PDGFC: variants seen among roughly 807,000 people sequenced by gnomAD.
PDGFC encodes the protein platelet-derived growth factor C.
A neutral mutation model predicts 35.5 loss-of-function variants in PDGFC; 12 were observed. The ratio of observed to expected loss-of-function variants is 0.34; its 90% CI spans 0.22 to 0.55. The LOEUF is 0.55. PDGFC is among the 20% of genes least tolerant of loss of function. The pLI is 0.91. For synonymous variants in PDGFC, 159 were observed against 148.8 expected, an observed-to-expected ratio of 1.07 and a Z score of -0.50; for missense variants, 322 against 412.4, an observed-to-expected ratio of 0.78 and a Z score of 1.90.
intron 1 of PDGFC, among the ~76,000 whole-genome samples, chr4:156,941,727 A>C (rs1322119051): frequency 3.3e-5 from 5 of 152,088 alleles, no homozygotes; most frequent in Non-Finnish European, 7.4e-5. Flanking sequence ...GTGAGACTTC[A>C]TCAAAGACAA....
chr4:156,865,853 G>A lies in PDGFC; in HGVS notation c.119-15437C>T, dbSNP rs550640258. 2.6e-5 allele frequency among the ~76,000 whole-genome samples: 4 copies of A among 152,222 alleles called. No homozygotes were observed. The South Asian group carries it at 8.3e-4, about 32-fold the overall frequency. On this transcript the variant is annotated intron_variant, in intron 1 of 5. Transcript: ENST00000502773. ...TTCTTGAGCGATGTAGGTGGGTCAG[G>A]TAGCATAAAATAGATTTAATTTGAT...
intron 2 of PDGFC, among the ~76,000 whole-genome samples, chr4:156,832,794 A>G (rs1418155106): frequency 1.3e-5 from 2 of 152,164 alleles, no homozygotes; most frequent in African/African-American, 4.8e-5. Context: ...CTTTTCCAAT[A>G]TGTCGGTCTG....
At chr4:156,960,542 AAAAGT>A (rs1242289493) in intron 1 of PDGFC, among the ~76,000 whole-genome samples, 1 of 151,676 alleles carries the variant, frequency 6.6e-6, no homozygotes, top group African/African-American at 2.4e-5. Context: ...GTTTAGAAAT[AAAAGT>A]AAAGTCAATA....
At chr4:156,808,307 T>C (rs1404223465) in intron 3 of PDGFC, among the ~76,000 whole-genome samples, 3 of 152,002 alleles carry the variant, frequency 2.0e-5, no homozygotes, top group Non-Finnish European at 4.4e-5. Context: ...AGAAAGTTAA[T>C]TGTCTACTAT....
At chr4:156,915,519 G>T (rs996182027) in intron 1 of PDGFC, among the ~76,000 whole-genome samples, 2 of 151,930 alleles carry the variant, frequency 1.3e-5, no homozygotes, top group Non-Finnish European at 2.9e-5. Context: ...AACAAGGTGC[G>T]GGGGGGCAGG....
chr4:156,795,827 T>G (rs931548409), intron 3 of PDGFC, among the ~76,000 whole-genome samples: 2 of 152,174 alleles, frequency 1.3e-5, no homozygotes, highest in Non-Finnish European at 2.9e-5. Flanking sequence ...TCATCAATCT[T>G]TTCTAGAAAA....
At chr4:156,949,866 G>A (rs560914903) in intron 1 of PDGFC, among the ~76,000 whole-genome samples, 9 of 152,038 alleles carry the variant, frequency 5.9e-5, no homozygotes, top group African/African-American at 2.2e-4. Context: ...GGCAGAAGCT[G>A]TTAAGAATTG....
At chr4:156,793,564 A>ATATATATATAT (rs1553965210) in intron 3 of PDGFC, among the ~76,000 whole-genome samples, 1 of 117,824 alleles carries the variant, frequency 8.5e-6, no homozygotes, top group African/African-American at 3.3e-5. Flanking sequence ...TATATATATA[A>ATATATATATAT]AACACTTTAA....
chr4:156,916,147 T>C (rs1475061967), intron 1 of PDGFC, among the ~76,000 whole-genome samples: 1 of 152,164 alleles, frequency 6.6e-6, no homozygotes, highest in Non-Finnish European at 1.5e-5. Flanking sequence ...ATTTCATTCA[T>C]GAACAAAATT....
At chr4:156,858,753 A>C (rs1729641371) in intron 1 of PDGFC, among the ~76,000 whole-genome samples, 1 of 152,126 alleles carries the variant, frequency 6.6e-6, no homozygotes, top group South Asian at 2.1e-4. Context: ...TGTGGCAAAA[A>C]CTGGCTAACG....
intron 1 of PDGFC, among the ~76,000 whole-genome samples, chr4:156,967,981 C>T (rs1732504818): frequency 1.3e-5 from 2 of 152,244 alleles, no homozygotes; most frequent in Non-Finnish European, 2.9e-5. Context: ...GTAAAAGTGG[C>T]AAGAATTGCA....
At chr4:156,897,346 GTGTA>G (rs142996192) in intron 1 of PDGFC, among the ~76,000 whole-genome samples, 3,787 of 115,190 alleles carry the variant, frequency 0.033, 86 homozygotes, top group South Asian at 0.055. Context: ...GTGTGTGAGA[GTGTA>G]TGTGTGTGTG....
intron 1 of PDGFC, among the ~76,000 whole-genome samples, chr4:156,962,644 G>A (rs1198082300): frequency 6.6e-6 from 1 of 152,134 alleles, no homozygotes; most frequent in East Asian, 1.9e-4. Flanking sequence ...TAAAACATTA[G>A]ACCATTTAAC....
chr4:156,958,332 A>T (rs1005535092), intron 1 of PDGFC, among the ~76,000 whole-genome samples: 1 of 151,926 alleles, frequency 6.6e-6, no homozygotes, highest in Non-Finnish European at 1.5e-5. Flanking sequence ...TAAAAAAAAA[A>T]AAAGGAACTA....
intron 2 of PDGFC, among the ~76,000 whole-genome samples, chr4:156,849,651 T>C (rs1457193335): frequency 6.6e-6 from 1 of 152,076 alleles, no homozygotes; most frequent in African/African-American, 2.4e-5. Flanking sequence ...TCTAGGATAA[T>C]TATGACGAAT....
At chr4:156,825,143 A>G (rs1025320959) in intron 2 of PDGFC, among the ~76,000 whole-genome samples, 1 of 152,176 alleles carries the variant, frequency 6.6e-6, no homozygotes, top group African/African-American at 2.4e-5. Context: ...CAGTCGAGGT[A>G]GGCAGATGCA....
rs929342427 is a variant in PDGFC, at chr4:156,869,229, C to T, written c.119-18813G>A. On this transcript the variant is annotated intron_variant, in intron 1 of 5. Transcript: ENST00000502773. ...CGGGCGGATCACAAGGTCAGGAGAT[C>T]GAGACCATCCTGGCTAACAGGGTGG... Among the ~76,000 whole-genome samples the T allele has an allele frequency of 6.6e-5, 10 of 152,060 alleles. No individual in the cohort carries two copies. The East Asian group carries it at 1.6e-3, about 24-fold the overall frequency.
At chr4:156,913,935 G>A (rs1731100071) in intron 1 of PDGFC, among the ~76,000 whole-genome samples, 1 of 152,048 alleles carries the variant, frequency 6.6e-6, no homozygotes, top group Admixed American at 6.6e-5. Flanking sequence ...AAACTCATGG[G>A]GACTTCTAAG....
chr4:156,873,307 G>T (rs538217702), intron 1 of PDGFC, among the ~76,000 whole-genome samples: 2 of 152,050 alleles, frequency 1.3e-5, no homozygotes, highest in Non-Finnish European at 2.9e-5. Flanking sequence ...AACAGTTTGA[G>T]AACAGTGCCC....
Sources: allele counts gnomAD v4.1 joint callset (sites outside exome capture counted in the v4.1 genomes callset), GRCh38; gene constraint gnomAD v4.1.1; transcripts MANE v1.5; gene names NCBI Gene and HGNC (gene_info 2026-07-23, HGNC 2026-07-21).